The following ADAMTS6 variants were observed in gnomAD, a reference collection of about 807,000 sequenced individuals.
ADAMTS6 encodes A disintegrin and metalloproteinase with thrombospondin motifs 6.
ADAMTS6 carries 23 observed loss-of-function variants against 144.3 expected under a neutral mutation model. That is an observed-to-expected ratio of 0.16 (90% CI 0.11 to 0.23). The LOEUF (loss-of-function observed/expected upper bound fraction) is 0.23, where lower values mean the gene tolerates loss of function less well. Ranked by LOEUF, ADAMTS6 falls within the 10% of genes least tolerant of loss-of-function variation. The pLI is 1.00. For synonymous variants in ADAMTS6, 444 were observed against 457.5 expected (o/e 0.97, Z 0.38); for missense variants, 999 against 1,379.6 (o/e 0.72, Z 4.37).
At chr5:65,346,351 A>T (rs773055892) in intron 7 of ADAMTS6, among the ~76,000 whole-genome samples, 7 of 152,058 alleles carry the variant, frequency 4.6e-5, no homozygotes, top group Middle Eastern at 3.4e-3. Flanking sequence ...GTGATACATC[A>T]CATTAACAAA....
chr5:65,244,195 AAAGCC>A, intron 14 of ADAMTS6, among the ~76,000 whole-genome samples: 1 of 152,088 alleles, frequency 6.6e-6, no homozygotes, highest in African/African-American at 2.4e-5. Flanking sequence ...GAAGCCAAGA[AAAGCC>A]ATGGGAATAG....
intron 10 of ADAMTS6, among the ~76,000 whole-genome samples, chr5:65,294,188 A>G (rs1477267679): frequency 6.6e-6 from 1 of 152,148 alleles, no homozygotes; most frequent in East Asian, 1.9e-4. Context: ...TGATTTAAAT[A>G]TTTGAGGGAT....
intron 7 of ADAMTS6, among the ~76,000 whole-genome samples, chr5:65,372,029 A>G (rs537509610): frequency 3.3e-5 from 5 of 152,212 alleles, no homozygotes; most frequent in Admixed American, 3.3e-4. Context: ...ATTAAGCTTC[A>G]TAAGTGAAGG....
chr5:65,195,219 TAC>T (rs1314752439), intron 21 of ADAMTS6, among the ~76,000 whole-genome samples: 1 of 152,246 alleles, frequency 6.6e-6, no homozygotes, highest in Non-Finnish European at 1.5e-5. Context: ...CGCATTGCTC[TAC>T]AGTTTCTCAG....
intron 18 of ADAMTS6, among the ~76,000 whole-genome samples, chr5:65,215,898 C>A (rs528846110): frequency 2.6e-5 from 4 of 152,086 alleles, no homozygotes; most frequent in African/African-American, 9.6e-5. Context: ...GAACACGAAT[C>A]AAAGAGATTT....
At chr5:65,229,890 A>G (rs1758014028) in intron 15 of ADAMTS6, among the ~76,000 whole-genome samples, 1 of 152,146 alleles carries the variant, frequency 6.6e-6, no homozygotes, top group South Asian at 2.1e-4. Context: ...AGCAATATGG[A>G]CATTCAAATA....
At chr5:65,349,847 G>T (rs958707816) in intron 7 of ADAMTS6, among the ~76,000 whole-genome samples, 2 of 146,266 alleles carry the variant, frequency 1.4e-5, no homozygotes, top group Non-Finnish European at 3.0e-5. Context: ...GAGTGAGACT[G>T]TCTCAAAAAA....
At chr5:65,283,838 G>A (rs1763165780) in intron 11 of ADAMTS6, among the ~76,000 whole-genome samples, 2 of 151,988 alleles carry the variant, frequency 1.3e-5, no homozygotes, top group South Asian at 2.1e-4. Flanking sequence ...AGACAACTGT[G>A]GGATATTTTA....
intron 7 of ADAMTS6, among the ~76,000 whole-genome samples, chr5:65,341,911 C>A (rs562763430): frequency 6.6e-6 from 1 of 152,076 alleles, no homozygotes; most frequent in Non-Finnish European, 1.5e-5. Context: ...AGGCCAATAT[C>A]CCTGATAAAT....
At chr5:65,404,189 A>C (rs1754209247) in intron 7 of ADAMTS6, among the ~76,000 whole-genome samples, 2 of 152,008 alleles carry the variant, frequency 1.3e-5, no homozygotes, top group African/African-American at 4.8e-5. Flanking sequence ...GTACATGTGC[A>C]CAACATGCAG....
chr5:65,176,892 G>C (rs1754014248), intron 22 of ADAMTS6, among the ~76,000 whole-genome samples: 1 of 152,248 alleles, frequency 6.6e-6, no homozygotes, highest in South Asian at 2.1e-4. Context: ...CAGTAGGAAG[G>C]CACCAAGGAC....
Position 65,226,154 on chromosome 5 carries a change from G to A in ADAMTS6, c.1999C>T (p.Pro667Ser). 6.2e-7 allele frequency: 1 copy of A among 1,613,936 alleles called. No individual in the cohort carries two copies. The highest frequency in any genetic ancestry group is 8.5e-7 in the Non-Finnish European group (1 of 1,179,906). ...EGYNFYTERAPAVIDGTQCNA... is the reference protein window; with the variant it reads ...EGYNFYTERASAVIDGTQCNA... ...CACTGGGTCCCATCGATCACCGCAG[G>A]AGCACGTTCAGTGTAGAAATTATAA... The change falls in exon 16 of 25, where the codon CCT (proline) becomes TCT (serine). Residue 667 changes from proline to serine, a missense_variant. Pro to Ser is a moderately conservative substitution (Grantham distance 74). Coordinates refer to ENST00000381055, the MANE Select transcript of ADAMTS6 (RefSeq NM_197941.4).
In ADAMTS6 at chr5:65,262,945, A is replaced by G. The variant is rs1761323613; in HGVS notation, c.1638T>C (p.Asp546=). The G allele has an allele frequency of 6.2e-7, 1 of 1,613,842 alleles. No individual in the cohort carries two copies. The highest frequency in any genetic ancestry group is 1.1e-5 in the South Asian group (1 of 91,074). Residue 546 remains aspartate, a synonymous_variant, in exon 13 of 25, where the codon GAT becomes GAC. Transcript: ENST00000381055. ...NIEKGWCYQG[D]CVPFGTWPQS... is the part of the protein sequence containing the mutation. ...GGGGCCAAGTGCCAAAAGGAACACA[A>G]TCTCCCTGATAACACCACTGCAAGA...
chr5:65,241,210 T>C (rs1357390410), intron 15 of ADAMTS6, among the ~76,000 whole-genome samples: 3 of 150,782 alleles, frequency 2.0e-5, no homozygotes, highest in African/African-American at 7.3e-5. Flanking sequence ...AGTAAACTTA[T>C]CTTAAGAGTA....
chr5:65,405,858 T>C (rs909131383), intron 7 of ADAMTS6, among the ~76,000 whole-genome samples: 2 of 152,182 alleles, frequency 1.3e-5, no homozygotes, highest in African/African-American at 4.8e-5. Context: ...AAGAGGTCGT[T>C]CACATCCCTT....
rs185036642 is a variant in ADAMTS6, at chr5:65,224,487, T to G, written c.2192-87A>C. Reference sequence around the variant, plus strand: ...CATTCAATAGTAATAGTTTCCTTATTATTCCATTCTCTCTTTGACTTTGCA... The same window carrying G: ...CATTCAATAGTAATAGTTTCCTTATGATTCCATTCTCTCTTTGACTTTGCA... On this transcript the variant is annotated intron_variant, in intron 17 of 24. Transcript: ENST00000381055. The G allele has an allele frequency of 7.3e-3, 8,322 of 1,135,682 alleles. 45 individuals carry two copies. The highest frequency in any genetic ancestry group is 9.1e-3 in the Non-Finnish European group (6,883 of 753,224). The allele number at this position is 1,135,682 out of a possible 1,614,324, so 70.4% of individuals were successfully genotyped here.
intron 23 of ADAMTS6, 94 bp downstream of exon 23, chr5:65,172,738 C>A (rs2112084894): frequency 2.1e-6 from 3 of 1,410,474 alleles, no homozygotes; most frequent in South Asian, 1.4e-5. Flanking sequence ...AATTCTTACT[C>A]ATCTCTCAAG....
At chr5:65,438,227 A>G (rs545218042) in intron 7 of ADAMTS6, among the ~76,000 whole-genome samples, 8 of 152,142 alleles carry the variant, frequency 5.3e-5, no homozygotes, top group Non-Finnish European at 1.2e-4. Flanking sequence ...ACCAATGCTC[A>G]GTATAAAAAA....
chr5:65,240,305 G>T (rs906479238), intron 15 of ADAMTS6, among the ~76,000 whole-genome samples: 7 of 151,990 alleles, frequency 4.6e-5, no homozygotes, highest in Non-Finnish European at 8.8e-5. Context: ...AATGTAGATA[G>T]ATCTCAAAAA....
Sources: allele counts gnomAD v4.1 joint callset (sites outside exome capture counted in the v4.1 genomes callset), GRCh38; gene constraint gnomAD v4.1.1; transcripts MANE v1.5; gene names NCBI Gene and HGNC (gene_info 2026-07-23, HGNC 2026-07-21).